Variants in TNPO1 observed in about 807,000 individuals in gnomAD.
The protein encoded by TNPO1 is transportin-1.
In TNPO1, 8 loss-of-function variants were observed where a neutral mutation model predicts 119.5. That is an observed-to-expected ratio of 0.07 (90% CI 0.04 to 0.12). The LOEUF (loss-of-function observed/expected upper bound fraction) is 0.12, where lower values mean the gene tolerates loss of function less well. Among genes scored for constraint, TNPO1 ranks in the 10% least tolerant of loss-of-function variants. The pLI is 1.00. For missense variants in TNPO1, 576 were observed against 1,089.8 expected (o/e 0.53, Z 6.64); for synonymous variants, 362 against 363.0 (o/e 1.00, Z 0.03).
chr5:72,873,857 A>T lies in TNPO1; in HGVS notation c.678+1137A>T, dbSNP rs147705369. 1.3e-3 allele frequency among the ~76,000 whole-genome samples: 199 copies of T among 152,230 alleles called. 1 individual carries two copies. The highest frequency in any genetic ancestry group is 4.5e-3 in the African/African-American group (188 of 41,572). ...ACCTAGTTGATATAAGTAAATTGGA[A>T]CAATGGCTGCCACAGAGTAAGCAGG... On this transcript the variant is annotated intron_variant, in intron 7 of 24. Transcript: ENST00000337273.
At chr5:72,833,428 AT>A (rs1290961908) in intron 1 of TNPO1, among the ~76,000 whole-genome samples, 5 of 152,080 alleles carry the variant, frequency 3.3e-5, no homozygotes, top group Non-Finnish European at 5.9e-5. Flanking sequence ...TGATTTCCCC[AT>A]TTTTAAAATA....
intron 24 of TNPO1, among the ~76,000 whole-genome samples, chr5:72,906,406 C>G (rs1355990662): frequency 6.7e-6 from 1 of 149,368 alleles, no homozygotes; most frequent in East Asian, 2.0e-4. Flanking sequence ...ATTCTCCTGC[C>G]CGAGCCTCCC....
At chr5:72,832,282 G>A (rs1450547021) in intron 1 of TNPO1, among the ~76,000 whole-genome samples, 1 of 152,088 alleles carries the variant, frequency 6.6e-6, no homozygotes. Context: ...TTGCTAATTG[G>A]ACTAAAACCA....
intron 1 of TNPO1, among the ~76,000 whole-genome samples, chr5:72,818,180 A>C (rs1023767597): frequency 6.6e-6 from 1 of 152,216 alleles, no homozygotes; most frequent in African/African-American, 2.4e-5. Context: ...GCCACCCTTG[A>C]TGTGGCTGCA....
intron 1 of TNPO1, among the ~76,000 whole-genome samples, chr5:72,827,349 G>C (rs1744248424): frequency 6.6e-6 from 1 of 152,102 alleles, no homozygotes; most frequent in East Asian, 1.9e-4. Context: ...AGATTTTGAT[G>C]GGGGGAATAC....
chr5:72,890,346 C>T (rs1026010316), intron 14 of TNPO1, among the ~76,000 whole-genome samples: 3 of 151,906 alleles, frequency 2.0e-5, no homozygotes, highest in African/African-American at 7.3e-5. Context: ...TCAGCAGGTA[C>T]GGGGAGTATA....
At position 72,883,098 on chromosome 5, in the gene TNPO1, G is replaced by A; in HGVS notation, c.1016G>A (p.Ser339Asn). The A allele has an allele frequency of 1.9e-6, 3 of 1,613,602 alleles. No individual in the cohort carries two copies. ...DVEEDETIPD[S>N]EQDIRPRFHR... The stretch of plus-strand genomic sequence containing the variant: ...GAAGAAGACGAAACGATTCCTGATA[G>A]TGAACAGGATATACGGCCACGTTTT... The change falls in exon 11 of 25, where the codon AGT becomes AAT. Residue 339 changes from serine to asparagine, a missense_variant. This residue lies in a region of TNPO1 where 310 missense variants were observed against 583.0 expected (regional missense o/e 0.53). Transcript: ENST00000337273.
At chr5:72,902,193 C>T (rs1693720853) in intron 22 of TNPO1, among the ~76,000 whole-genome samples, 1 of 152,134 alleles carries the variant, frequency 6.6e-6, no homozygotes, top group African/African-American at 2.4e-5. Context: ...ATAACTTTCT[C>T]ACATTTCTTA....
chr5:72,844,023 TACTC>T (rs1470686687), intron 1 of TNPO1, among the ~76,000 whole-genome samples: 3 of 152,240 alleles, frequency 2.0e-5, no homozygotes, highest in East Asian at 3.8e-4. Flanking sequence ...ACTTAATAGT[TACTC>T]AGTTGAATTA....
At chr5:72,859,705 CTT>C (rs898675143) in intron 4 of TNPO1, among the ~76,000 whole-genome samples, 21 of 152,098 alleles carry the variant, frequency 1.4e-4, no homozygotes, top group Admixed American at 1.0e-3. Context: ...TGAATATTCT[CTT>C]GTGTATGTTT....
intron 20 of TNPO1, among the ~76,000 whole-genome samples, chr5:72,899,456 A>C (rs907878116): frequency 6.7e-6 from 1 of 148,550 alleles, no homozygotes; most frequent in Non-Finnish European, 1.5e-5. Context: ...TGTTAATCAA[A>C]GAAAAAATTT....
chr5:72,853,421 A>C (rs934275136), intron 3 of TNPO1, among the ~76,000 whole-genome samples: 1 of 152,238 alleles, frequency 6.6e-6, no homozygotes, highest in African/African-American at 2.4e-5. Context: ...AGTGTACTTA[A>C]GTGCTTCAGA....
chr5:72,906,407 C>T (rs1430344357), intron 24 of TNPO1, among the ~76,000 whole-genome samples: 2 of 149,320 alleles, frequency 1.3e-5, no homozygotes, highest in East Asian at 2.0e-4. Flanking sequence ...TTCTCCTGCC[C>T]GAGCCTCCCA....
chr5:72,913,117 GTGT>G lies in TNPO1; in HGVS notation c.*4449_*4451del, dbSNP rs1280916849. Reference sequence around the variant, plus strand: ...TGAAAAGTGAGATCAGTAATGAGCTGTGTTGTTAACAATATTATCTGGTAATAA... The same window carrying G: ...TGAAAAGTGAGATCAGTAATGAGCTGTGTTAACAATATTATCTGGTAATAA... On this transcript the variant is annotated 3_prime_UTR_variant, in exon 25 of 25. Coordinates refer to ENST00000337273, the MANE Select transcript of TNPO1 (RefSeq NM_002270.4). 6.6e-6 allele frequency: 1 copy of G among 152,510 alleles called. No individual in the cohort carries two copies. The highest frequency in any genetic ancestry group is 1.5e-5 in the Non-Finnish European group (1 of 67,932). The allele number at this position is 152,510 out of a possible 1,614,324, so 9.4% of individuals were successfully genotyped here.
intron 24 of TNPO1, among the ~76,000 whole-genome samples, chr5:72,906,992 G>GGCTT (rs1443891907): frequency 6.6e-6 from 1 of 151,168 alleles, no homozygotes; most frequent in African/African-American, 2.5e-5. Context: ...GAGTTTTTTT[G>GGCTT]GCTTGCTTGC....
chr5:72,910,312 T>G lies in TNPO1; in HGVS notation c.*1639T>G, dbSNP rs1218249183. On this transcript the variant is annotated 3_prime_UTR_variant, in exon 25 of 25. Coordinates refer to ENST00000337273, the MANE Select transcript of TNPO1 (RefSeq NM_002270.4). ...TACATGTATTCCTGTGAATAAATCCTTGTTAAGTTAACCCTTTACTTTTCC... is the reference window on the plus strand; with the variant it reads ...TACATGTATTCCTGTGAATAAATCCGTGTTAAGTTAACCCTTTACTTTTCC... 2 of 152,666 alleles carry G rather than the reference T, an allele frequency of 1.3e-5. No homozygotes were observed. Among genetic ancestry groups the G allele is most frequent in the Non-Finnish European group, 2.9e-5 (2 of 68,024 alleles). The allele number at this position is 152,666 out of a possible 1,614,324, so 9.5% of individuals were successfully genotyped here.
rs181447046 is a variant in TNPO1 at position 72,828,247 on chromosome 5, A to G, written c.15+11495A>G. On this transcript the variant is annotated intron_variant, in intron 1 of 24. Transcript: ENST00000337273. ...AGAAGAAGTTGTTGGGTTTGGCACCATGGAAATCTCTCAGTGGAGTGGAGT... is the reference window on the plus strand; with the variant it reads ...AGAAGAAGTTGTTGGGTTTGGCACCGTGGAAATCTCTCAGTGGAGTGGAGT... 2.4e-3 allele frequency among the ~76,000 whole-genome samples: 371 copies of G among 152,298 alleles called. 2 individuals are homozygous for G. The highest frequency in any genetic ancestry group is 3.4e-3 in the Non-Finnish European group (233 of 68,014).
At chr5:72,903,927 A>G (rs1749958300) in intron 23 of TNPO1, 144 bp downstream of exon 23, 1 of 523,562 alleles carries the variant, frequency 1.9e-6, no homozygotes, top group South Asian at 3.4e-5. Flanking sequence ...TATTCTTGGT[A>G]ACAAAGTTGG....
rs1750612222 is a variant in TNPO1, at chr5:72,912,201, T to C, written c.*3528T>C. The C allele has an allele frequency of 6.6e-6, 1 of 152,558 alleles. No individual in the cohort carries two copies. The highest frequency in any genetic ancestry group is 2.4e-5 in the African/African-American group (1 of 41,464). The allele number at this position is 152,558 out of a possible 1,614,324, so 9.5% of individuals were successfully genotyped here. On this transcript the variant is annotated 3_prime_UTR_variant, in exon 25 of 25. Transcript: ENST00000337273. ...TTGATTTTGTTATGCAAGTTAGATT[T>C]CAGAAGAATAGATTTTAAAACACTT...
Sources: allele counts gnomAD v4.1 joint callset (sites outside exome capture counted in the v4.1 genomes callset), GRCh38; gene constraint gnomAD v4.1.1; regional missense constraint gnomAD v4.1.1; transcripts MANE v1.5; gene names NCBI Gene and HGNC (gene_info 2026-07-23, HGNC 2026-07-21).